Variants in CDK5RAP2 observed in about 807,000 individuals in gnomAD.
CDK5RAP2 encodes CDK5 regulatory subunit associated protein 2.
CDK5RAP2 carries 147 observed loss-of-function variants against 232.9 expected under a neutral mutation model. That is an observed-to-expected ratio of 0.63 (90% CI 0.55 to 0.72). The LOEUF is 0.72. Ranked by LOEUF, CDK5RAP2 falls within the 30% of genes least tolerant of loss-of-function variation. The pLI, the probability that CDK5RAP2 is intolerant of heterozygous loss-of-function variation, is 0.00. For missense variants in CDK5RAP2, 2,195 were observed against 2,231.5 expected (o/e 0.98, Z 0.33); for synonymous variants, 833 against 833.7 (o/e 1.00, Z 0.01).
In CDK5RAP2 at chr9:120,402,803, T is replaced by C. The variant is rs772132380; in HGVS notation, c.5307+3A>G. On this transcript the variant is annotated splice_donor_region_variant and intron_variant, in intron 34 of 37. Coordinates refer to ENST00000349780, the MANE Select transcript of CDK5RAP2 (RefSeq NM_018249.6). ...GTGCCCCCCAGCTCTGTGGTCAGGT[T>C]ACCTTTGTTCCCAGCTCTTGACTTG... is the stretch of plus-strand genomic sequence containing the variant. The C allele has an allele frequency of 6.2e-6, 10 of 1,613,926 alleles. No homozygotes were observed. In the South Asian group the frequency reaches 1.1e-4, roughly 18 times the overall value.
Position 120,518,617 on chromosome 9 carries a change from G to A in CDK5RAP2, c.1121C>T (p.Ser374Leu). ...CGCAGCCGAAAGGGCTTCCTTTCCT[G>A]ATAGAGCAGTCTCATAGTCTTCAGA... Reference protein sequence around the residue: ...QGSEDYETALSGKEALSAALR... With the variant: ...QGSEDYETALLGKEALSAALR... Residue 374 changes from serine to leucine, a missense_variant, in exon 12 of 38, where the codon TCA becomes TTA. Ser to Leu is a moderately radical substitution (Grantham distance 145, BLOSUM62 -2). Coordinates refer to ENST00000349780, the MANE Select transcript of CDK5RAP2 (RefSeq NM_018249.6). 1.2e-6 allele frequency: 2 copies of A among 1,613,630 alleles called. No homozygotes were observed. Among genetic ancestry groups the A allele is most frequent in the Non-Finnish European group, 1.7e-6 (2 of 1,179,938 alleles).
Position 120,402,980 on chromosome 9 carries a change from G to T in CDK5RAP2, c.5133C>A (p.Arg1711=), listed in dbSNP as rs2033159791. The T allele has an allele frequency of 6.2e-7, 1 of 1,614,204 alleles. No individual in the cohort carries two copies. The highest frequency in any genetic ancestry group is 8.5e-7 in the Non-Finnish European group (1 of 1,180,032). The part of the protein sequence containing the change: ...SSATSTPCVS[R]LVTGHHLWAS... ...CCCACAGGTGGTGGCCAGTGACCAGGCGGGACACACACGGAGTGCTAGTTG... is the reference window on the plus strand; with the variant it reads ...CCCACAGGTGGTGGCCAGTGACCAGTCGGGACACACACGGAGTGCTAGTTG... Residue 1711 remains arginine, a synonymous_variant, in exon 34 of 38, where the codon CGC becomes CGA. Transcript: ENST00000349780.
At chr9:120,398,173 G>A (rs2032685980) in intron 35 of CDK5RAP2, among the ~76,000 whole-genome samples, 1 of 152,102 alleles carries the variant, frequency 6.6e-6, no homozygotes, top group Admixed American at 6.5e-5. Flanking sequence ...CTTGTATGTT[G>A]ACAAAGTTCA....
intron 8 of CDK5RAP2, 73 bp from the exon 9 acceptor site, chr9:120,528,870 G>T: frequency 9.4e-7 from 1 of 1,059,920 alleles, no homozygotes; most frequent in Non-Finnish European, 1.5e-6. Context: ...ATTAGAATGA[G>T]CACGTCCTTG....
Position 120,448,032 on chromosome 9 carries a change from T to C in CDK5RAP2, c.2888A>G (p.Gln963Arg), listed in dbSNP as rs755465145. 6.2e-7 allele frequency: 1 copy of C among 1,614,054 alleles called. No homozygotes were observed. The highest frequency in any genetic ancestry group is 1.3e-5 in the African/African-American group (1 of 74,944). The change falls in exon 22 of 38, where the codon CAG becomes CGG. Residue 963 changes from glutamine (Q) to arginine (R), a missense_variant. Transcript: ENST00000349780. ...RLPATQEVVT[Q>R]LQSQILELQG... is the part of the protein sequence containing the mutation. The stretch of plus-strand genomic sequence containing the variant: ...CAGCTCCAAGATCTGGCTCTGCAGC[T>C]GCGTCACCACCTCCTGGGTGGCAGG...
At chr9:120,554,974 G>A (rs935049723) in intron 3 of CDK5RAP2, among the ~76,000 whole-genome samples, 2 of 152,076 alleles carry the variant, frequency 1.3e-5, no homozygotes, top group African/African-American at 4.8e-5. Context: ...TAAAATGTTT[G>A]CAACATGCAA....
chr9:120,518,527 ATCT>A lies in CDK5RAP2; in HGVS notation c.1208_1210del (p.Lys403del), dbSNP rs868577994. 6 of 1,613,340 alleles carry A rather than the reference ATCT, an allele frequency of 3.7e-6. No individual in the cohort carries two copies. The highest frequency in any genetic ancestry group is 1.1e-5 in the South Asian group (1 of 90,938). On this transcript the variant is annotated inframe_deletion, in exon 12 of 38. Coordinates refer to ENST00000349780, the MANE Select transcript of CDK5RAP2 (RefSeq NM_018249.6). The stretch of plus-strand genomic sequence containing the variant: ...CTGCAAGTCACTCAGCTCCTGGGTG[ATCT>A]TCTTAATGCTTCTACGCAGTCTGTG...
At chr9:120,451,860 TTA>T (rs1459779367) in intron 21 of CDK5RAP2, among the ~76,000 whole-genome samples, 1 of 146,904 alleles carries the variant, frequency 6.8e-6, no homozygotes, top group Non-Finnish European at 1.5e-5. Flanking sequence ...ATTATATATA[TTA>T]TATATTATAT....
chr9:120,570,895 C>T (rs2042830264), intron 2 of CDK5RAP2, among the ~76,000 whole-genome samples: 1 of 152,178 alleles, frequency 6.6e-6, no homozygotes, highest in Non-Finnish European at 1.5e-5. Flanking sequence ...AGTGCAGTGG[C>T]TCATGCCTGT....
chr9:120,578,510 C>T (rs2043121661), intron 1 of CDK5RAP2, among the ~76,000 whole-genome samples: 1 of 151,370 alleles, frequency 6.6e-6, no homozygotes. Flanking sequence ...CAGGTTTACC[C>T]AAGATAGGCC....
intron 28 of CDK5RAP2, 59 bp downstream of exon 28, chr9:120,414,981 A>C: frequency 6.3e-7 from 1 of 1,598,894 alleles, no homozygotes; most frequent in Non-Finnish European, 8.6e-7. Context: ...ACTCAGGCAA[A>C]TGCGTCACAG....
intron 35 of CDK5RAP2, 68 bp downstream of exon 35, chr9:120,400,674 C>T: frequency 6.3e-7 from 1 of 1,596,388 alleles, no homozygotes; most frequent in Non-Finnish European, 8.6e-7. Context: ...CCCTGCTTGG[C>T]ATGGAGGAAA....
intron 3 of CDK5RAP2, among the ~76,000 whole-genome samples, chr9:120,556,055 A>C (rs987277645): frequency 2.6e-5 from 4 of 152,182 alleles, no homozygotes; most frequent in African/African-American, 9.7e-5. Context: ...GACCACAAAG[A>C]AGCAAAAAAA....
At chr9:120,528,920 A>T (rs567945138) in intron 8 of CDK5RAP2, 123 bp from the exon 9 acceptor site, 2 of 734,544 alleles carry the variant, frequency 2.7e-6, no homozygotes, top group African/African-American at 1.7e-5. Flanking sequence ...GAACTCGTTA[A>T]AACAAGTGTC....
At chr9:120,443,875 G>A (rs1036597350) in intron 22 of CDK5RAP2, 133 bp from the exon 23 acceptor site, 10 of 1,132,834 alleles carry the variant, frequency 8.8e-6, no homozygotes, top group South Asian at 6.8e-5. Context: ...CAATTTATAA[G>A]ATAAAATTAA....
chr9:120,574,940 C>T lies in CDK5RAP2; in HGVS notation c.60-2899G>A, dbSNP rs543035247. Reference sequence around the variant, plus strand: ...ACCTACACCACCCTGGTACCCCTGACGCCTTCCCGGAGGTTGGGGGTGGCA... The same window carrying T: ...ACCTACACCACCCTGGTACCCCTGATGCCTTCCCGGAGGTTGGGGGTGGCA... On this transcript the variant is annotated intron_variant, in intron 1 of 37. Transcript: ENST00000349780. Among the ~76,000 whole-genome samples, 292 of 152,012 alleles carry T rather than the reference C, an allele frequency of 1.9e-3. 2 individuals are homozygous for T. The highest frequency in any genetic ancestry group is 6.7e-3 in the African/African-American group (277 of 41,432).
chr9:120,547,679 A>G (rs1379209994), intron 4 of CDK5RAP2, among the ~76,000 whole-genome samples: 1 of 152,160 alleles, frequency 6.6e-6, no homozygotes, highest in African/African-American at 2.4e-5. Flanking sequence ...AAGCAGCCCT[A>G]GAGAAGCAAG....
intron 26 of CDK5RAP2, among the ~76,000 whole-genome samples, chr9:120,420,352 G>A (rs987594901): frequency 6.6e-6 from 1 of 152,174 alleles, no homozygotes; most frequent in Admixed American, 6.5e-5. Context: ...GGGGAACTGG[G>A]GCTCATCATA....
rs1478837657 is a variant in CDK5RAP2 at position 120,521,897 on chromosome 9, G to A, written c.1092+3089C>T. Among the ~76,000 whole-genome samples the A allele has an allele frequency of 3.3e-5, 5 of 151,864 alleles. No individual in the cohort carries two copies. In the East Asian group the frequency reaches 9.7e-4, roughly 29 times the overall value. ...CCTGACCTCGTGATCCACCTGCCTCGGCCTCCCAAAGTGCTGGGATTACAG... is the reference window on the plus strand; with the variant it reads ...CCTGACCTCGTGATCCACCTGCCTCAGCCTCCCAAAGTGCTGGGATTACAG... On this transcript the variant is annotated intron_variant, in intron 11 of 37. Transcript: ENST00000349780.
Sources: gnomAD v4.1 joint callset for allele counts (sites outside exome capture counted in the v4.1 genomes callset) on GRCh38, gnomAD v4.1.1 for gene constraint, MANE v1.5 for transcripts, NCBI Gene and HGNC (gene_info 2026-07-23, HGNC 2026-07-21) for gene names.